ARSB: variants seen among roughly 807,000 people sequenced by gnomAD.
The protein encoded by ARSB is arylsulfatase B, also known as N-acetylgalactosamine-4-sulfatase.
ARSB carries 41 observed loss-of-function variants against 50.9 expected under a neutral mutation model. The ratio of observed to expected loss-of-function variants is 0.81; its 90% CI spans 0.63 to 1.04. The LOEUF is 1.04. Ranked by LOEUF, ARSB falls within the 50% of genes least tolerant of loss-of-function variation. The pLI, the probability that ARSB is intolerant of heterozygous loss-of-function variation, is 0.00. For missense variants in ARSB, 672 were observed against 693.3 expected (o/e 0.97, Z 0.35); for synonymous variants, 269 against 284.8 (o/e 0.94, Z 0.56).
At chr5:78,931,855 A>G (rs1278119110) in intron 4 of ARSB, among the ~76,000 whole-genome samples, 2 of 152,088 alleles carry the variant, frequency 1.3e-5, no homozygotes, top group African/African-American at 2.4e-5. Context: ...TGCTGTTCAC[A>G]TGATAGTGAG....
chr5:78,951,680 T>C (rs986094863), intron 4 of ARSB, among the ~76,000 whole-genome samples: 1 of 152,174 alleles, frequency 6.6e-6, no homozygotes, highest in Non-Finnish European at 1.5e-5. Context: ...GGGCTCACTA[T>C]ATTTCAGGCA....
chr5:78,837,764 T>C (rs1014370431), intron 6 of ARSB, among the ~76,000 whole-genome samples: 1 of 152,178 alleles, frequency 6.6e-6, no homozygotes, highest in African/African-American at 2.4e-5. Context: ...CACATCTCAA[T>C]CCACAGTTAG....
At chr5:78,944,787 C>G (rs1188226834) in intron 4 of ARSB, among the ~76,000 whole-genome samples, 1 of 152,188 alleles carries the variant, frequency 6.6e-6, no homozygotes, top group Non-Finnish European at 1.5e-5. Flanking sequence ...CTGGGAGAAC[C>G]ACTACTCTCT....
chr5:78,958,167 A>C (rs1751819230), intron 3 of ARSB, among the ~76,000 whole-genome samples: 1 of 152,048 alleles, frequency 6.6e-6, no homozygotes, highest in Non-Finnish European at 1.5e-5. Context: ...TCACTTCTTT[A>C]GGTTAGCAGC....
intron 4 of ARSB, among the ~76,000 whole-genome samples, chr5:78,926,237 T>C (rs140363394): frequency 7.9e-5 from 12 of 152,336 alleles, no homozygotes; most frequent in Non-Finnish European, 1.5e-4. Context: ...GAAGAAAGGA[T>C]AGCACATCAC....
intron 4 of ARSB, among the ~76,000 whole-genome samples, chr5:78,904,360 G>A (rs1210832391): frequency 1.3e-5 from 2 of 151,838 alleles, no homozygotes; most frequent in East Asian, 1.9e-4. Flanking sequence ...CCATGAATGA[G>A]ACTGCTGCTT....
chr5:78,911,442 T>A (rs934727864), intron 4 of ARSB, among the ~76,000 whole-genome samples: 2 of 151,406 alleles, frequency 1.3e-5, no homozygotes, highest in African/African-American at 4.9e-5. Flanking sequence ...GGTGTGGTGG[T>A]GCACGCCTGT....
intron 4 of ARSB, among the ~76,000 whole-genome samples, chr5:78,939,911 G>A (rs1420834601): frequency 6.6e-6 from 1 of 152,164 alleles, no homozygotes; most frequent in Non-Finnish European, 1.5e-5. Flanking sequence ...GTGTAAAAGT[G>A]TTCCTATTTC....
At chr5:78,799,237 C>G (rs768670835) in intron 6 of ARSB, among the ~76,000 whole-genome samples, 6 of 152,184 alleles carry the variant, frequency 3.9e-5, no homozygotes, top group Admixed American at 2.0e-4. Context: ...AGAGGGCACC[C>G]GCCTCAAGTG....
chr5:78,859,331 A>G (rs1746312242), intron 5 of ARSB, among the ~76,000 whole-genome samples: 1 of 151,928 alleles, frequency 6.6e-6, no homozygotes, highest in Admixed American at 6.5e-5. Flanking sequence ...AAGTTTTTTA[A>G]GTAGTCTAGA....
intron 6 of ARSB, among the ~76,000 whole-genome samples, chr5:78,796,517 T>G (rs1429735152): frequency 2.6e-5 from 4 of 152,186 alleles, no homozygotes; most frequent in African/African-American, 9.7e-5. Flanking sequence ...GGGTCTCTCT[T>G]TTTGAAATTT....
chr5:78,819,243 A>C (rs1212017700), intron 6 of ARSB, among the ~76,000 whole-genome samples: 1 of 152,130 alleles, frequency 6.6e-6, no homozygotes, highest in Non-Finnish European at 1.5e-5. Context: ...GGGTAGGGGA[A>C]GGAAGCTCCG....
chr5:78,803,702 C>T (rs138674205), intron 6 of ARSB, among the ~76,000 whole-genome samples: 232 of 152,348 alleles, frequency 1.5e-3, no homozygotes, highest in Non-Finnish European at 2.5e-3. Flanking sequence ...TCGATCCAGC[C>T]CAGAGCCCTT....
chr5:78,897,131 A>G lies in ARSB; in HGVS notation c.899-11304T>C, dbSNP rs565140406. Among the ~76,000 whole-genome samples the G allele has an allele frequency of 1.6e-4, 25 of 152,302 alleles. No homozygotes were observed. In the South Asian group the frequency reaches 5.2e-3, roughly 32 times the overall value. On this transcript the variant is annotated intron_variant, in intron 4 of 7. Transcript: ENST00000264914. ...ATTATATATTAAAACCACGCAAAAA[A>G]TACTTTGTGTTTATGTGTAAAACAT...
At chr5:78,953,568 C>A (rs1208471071) in intron 4 of ARSB, among the ~76,000 whole-genome samples, 1 of 152,128 alleles carries the variant, frequency 6.6e-6, no homozygotes, top group Non-Finnish European at 1.5e-5. Flanking sequence ...CGTGAAAAAA[C>A]AAAACCACAA....
At chr5:78,958,075 G>T (rs1201452428) in intron 3 of ARSB, among the ~76,000 whole-genome samples, 1 of 151,998 alleles carries the variant, frequency 6.6e-6, no homozygotes, top group Non-Finnish European at 1.5e-5. Context: ...GTAACAAAAG[G>T]CTGGAGTATG....
chr5:78,876,199 A>G (rs1422844554), intron 5 of ARSB, among the ~76,000 whole-genome samples: 1 of 152,122 alleles, frequency 6.6e-6, no homozygotes, highest in African/African-American at 2.4e-5. Flanking sequence ...ATTACAAAGT[A>G]GAATGAAGAA....
chr5:78,943,610 C>A (rs1344285631), intron 4 of ARSB, among the ~76,000 whole-genome samples: 6 of 152,208 alleles, frequency 3.9e-5, no homozygotes, highest in Admixed American at 1.3e-4. Flanking sequence ...TTGGCCCCCA[C>A]TGTCTTCTGG....
At chr5:78,802,511 G>T (rs538881396) in intron 6 of ARSB, among the ~76,000 whole-genome samples, 12 of 152,264 alleles carry the variant, frequency 7.9e-5, no homozygotes, top group Non-Finnish European at 1.3e-4. Flanking sequence ...AGTTAGATTT[G>T]AGAATGATCG....
Sources: gnomAD v4.1 joint callset for allele counts (sites outside exome capture counted in the v4.1 genomes callset) on GRCh38, gnomAD v4.1.1 for gene constraint, MANE v1.5 for transcripts, NCBI Gene and HGNC (gene_info 2026-07-23, HGNC 2026-07-21) for gene names.